C2orf80: variants seen among roughly 807,000 people sequenced by gnomAD.
C2orf80 encodes the protein uncharacterized protein C2orf80.
C2orf80 carries 28 observed loss-of-function variants against 30.2 expected under a neutral mutation model. The observed-to-expected ratio is 0.93, with a 90% CI of 0.69 to 1.27. The LOEUF is 1.27. C2orf80 is among the 50% of genes most tolerant of loss of function. The probability of loss-of-function intolerance (pLI) is 0.00; values close to 1 mark genes in which losing one functional copy is unlikely to be tolerated. For missense variants in C2orf80, 220 were observed against 231.0 expected (o/e 0.95, Z 0.31); for synonymous variants, 80 against 76.4 (o/e 1.05, Z -0.24).
chr2:208,167,101 C>A (rs1695920285), intron 8 of C2orf80, among the ~76,000 whole-genome samples: 1 of 152,092 alleles, frequency 6.6e-6, no homozygotes. Context: ...AAGTGGGTAG[C>A]CTGGATTCAA....
In C2orf80 at chr2:208,168,052, C is replaced by A. The variant is rs151193600; in HGVS notation, c.574-2237G>T. On this transcript the variant is annotated intron_variant, in intron 8 of 8. Transcript: ENST00000341287. ...AGCCAAAAAGGAAAAACAGTAAGCT[C>A]AAATATTTAAAATGAAAATCTTCTT... 2.6e-3 allele frequency among the ~76,000 whole-genome samples: 389 copies of A among 152,100 alleles called. 5 individuals carry two copies. The highest frequency in any genetic ancestry group is 9.0e-3 in the African/African-American group (374 of 41,484).
intron 6 of C2orf80, among the ~76,000 whole-genome samples, chr2:208,175,221 G>C (rs918625722): frequency 1.4e-4 from 20 of 145,990 alleles, no homozygotes; most frequent in Admixed American, 4.8e-4. Flanking sequence ...CGGGGGGGGG[G>C]GGGGCGGAGG....
At chr2:208,176,897 ATACATATCTGTG>A (rs1193777118) in intron 6 of C2orf80, among the ~76,000 whole-genome samples, 2 of 30,254 alleles carry the variant, frequency 6.6e-5, no homozygotes, top group Non-Finnish European at 6.0e-5. Flanking sequence ...GTGTATATAT[ATACATATCTGTG>A]TATACATATC....
intron 5 of C2orf80, 77 bp downstream of exon 5, chr2:208,181,141 G>T: frequency 9.7e-7 from 1 of 1,030,362 alleles, no homozygotes. Context: ...GAAAAATAAT[G>T]TAAATATTCA....
chr2:208,185,007 G>C lies in C2orf80; in HGVS notation c.67C>G (p.Arg23Gly). The C allele has an allele frequency of 6.2e-7, 1 of 1,613,612 alleles. No homozygotes were observed. Residue 23 changes from arginine to glycine, a missense_variant, in exon 3 of 9, where the codon CGG becomes GGG. Arg to Gly is a moderately radical substitution (Grantham distance 125). Coordinates refer to ENST00000341287, the MANE Select transcript of C2orf80 (RefSeq NM_001099334.3). ...LLGDYIGIRLRENEFDPKGRR... is the reference protein window; with the variant it reads ...LLGDYIGIRLGENEFDPKGRR... The stretch of plus-strand genomic sequence containing the variant: ...CCTTTTGGGTCAAATTCATTTTCCC[G>C]AAGTCTGATGCCAATATAATCTCCC...
chr2:208,176,951 A>ATGTATACATT (rs1284855769), intron 6 of C2orf80, among the ~76,000 whole-genome samples: 1 of 36,636 alleles, frequency 2.7e-5, no homozygotes, highest in African/African-American at 1.1e-4. Context: ...CTGTATACAT[A>ATGTATACATT]TCTGTATACA....
chr2:208,170,037 G>C (rs898230469), intron 8 of C2orf80, among the ~76,000 whole-genome samples: 1 of 152,084 alleles, frequency 6.6e-6, no homozygotes, highest in African/African-American at 2.4e-5. Context: ...AAAATGCATG[G>C]TACAACAGCC....
At chr2:208,167,892 T>A (rs1559335687) in intron 8 of C2orf80, among the ~76,000 whole-genome samples, 2 of 151,106 alleles carry the variant, frequency 1.3e-5, no homozygotes, top group African/African-American at 4.9e-5. Context: ...TTTTTTTTTT[T>A]AATAATTTCC....
In C2orf80 at chr2:208,185,772, C is replaced by T. The variant is rs561844113; in HGVS notation, c.42-740G>A. Reference sequence around the variant, plus strand: ...AAAGCTTTTCTTCTGAGTCATTAAGCTTAACTAGATTGATAAAAATTCTTA... The same window carrying T: ...AAAGCTTTTCTTCTGAGTCATTAAGTTTAACTAGATTGATAAAAATTCTTA... On this transcript the variant is annotated intron_variant, in intron 2 of 8. Transcript: ENST00000341287. Among the ~76,000 whole-genome samples the T allele has an allele frequency of 5.3e-5, 8 of 152,254 alleles. 1 individual carries two copies. In the South Asian group the frequency reaches 1.7e-3, roughly 32 times the overall value.
At chr2:208,178,459 G>A (rs1331058001) in intron 6 of C2orf80, among the ~76,000 whole-genome samples, 1 of 152,104 alleles carries the variant, frequency 6.6e-6, no homozygotes, top group Non-Finnish European at 1.5e-5. Flanking sequence ...AAAAAGACAA[G>A]CAGGAATAAA....
At chr2:208,183,720 T>C (rs1046412489) in intron 3 of C2orf80, among the ~76,000 whole-genome samples, 15 of 152,014 alleles carry the variant, frequency 9.9e-5, no homozygotes, top group South Asian at 6.2e-4. Context: ...GGAACTAGCA[T>C]GAGGCAAGGA....
At position 208,165,778 on chromosome 2, in the gene C2orf80, A is replaced by C. The variant is rs780727586; in HGVS notation, c.*29T>G. ...CTCGTCTGCTCCCAGAGAATCTATT[A>C]TGAAGTTCCATGGTACAATTCCAAT... On this transcript the variant is annotated 3_prime_UTR_variant, in exon 9 of 9. Transcript: ENST00000341287. 2.7e-5 allele frequency: 43 copies of C among 1,612,444 alleles called. No individual in the cohort carries two copies. Among genetic ancestry groups the C allele is most frequent in the Admixed American group, 5.0e-5 (3 of 59,510 alleles).
At chr2:208,169,635 C>T (rs1412123432) in intron 8 of C2orf80, among the ~76,000 whole-genome samples, 1 of 149,034 alleles carries the variant, frequency 6.7e-6, no homozygotes, top group African/African-American at 2.5e-5. Context: ...ATCGCTTGAA[C>T]TCGGGAAGTG....
At chr2:208,170,376 T>G (rs947972751) in intron 8 of C2orf80, among the ~76,000 whole-genome samples, 1 of 152,172 alleles carries the variant, frequency 6.6e-6, no homozygotes, top group Non-Finnish European at 1.5e-5. Context: ...CTTTCTCCTT[T>G]CTTTCCAACC....
intron 6 of C2orf80, among the ~76,000 whole-genome samples, chr2:208,174,472 C>T (rs756917026): frequency 1.5e-4 from 23 of 152,216 alleles, no homozygotes; most frequent in African/African-American, 3.9e-4. Flanking sequence ...GTGGTCATCC[C>T]GAGTGGGGGC....
intron 6 of C2orf80, among the ~76,000 whole-genome samples, chr2:208,175,747 T>TA (rs1559339497): frequency 8.5e-5 from 12 of 141,032 alleles, no homozygotes; most frequent in African/African-American, 3.3e-4. Context: ...GTTTTTTTTT[T>TA]TAAAAAACTC....
chr2:208,166,011 A>G (rs1287621730), intron 8 of C2orf80, among the ~76,000 whole-genome samples, 196 bp from the exon 9 acceptor site: 4 of 152,224 alleles, frequency 2.6e-5, no homozygotes, highest in African/African-American at 4.8e-5. Flanking sequence ...ATATTTCCCA[A>G]CTAAATGCAA....
chr2:208,168,120 A>G (rs1003689902), intron 8 of C2orf80, among the ~76,000 whole-genome samples: 1 of 152,156 alleles, frequency 6.6e-6, no homozygotes. Flanking sequence ...CCATTTAATA[A>G]AATACTTATT....
chr2:208,174,087 G>A (rs1016577921), intron 6 of C2orf80, among the ~76,000 whole-genome samples: 1 of 151,948 alleles, frequency 6.6e-6, no homozygotes, highest in African/African-American at 2.4e-5. Context: ...CAAGAAGCAG[G>A]GACTGTAGAC....
Sources: gnomAD v4.1 joint callset for allele counts (sites outside exome capture counted in the v4.1 genomes callset) on GRCh38, gnomAD v4.1.1 for gene constraint, MANE v1.5 for transcripts, NCBI Gene and HGNC (gene_info 2026-07-23, HGNC 2026-07-21) for gene names.